PDIA5: variants seen among roughly 807,000 people sequenced by gnomAD.
PDIA5 encodes the protein protein disulfide isomerase family A member 5, also known as protein disulfide-isomerase A5.
PDIA5 carries 58 observed loss-of-function variants against 77.6 expected under a neutral mutation model. The observed-to-expected ratio is 0.75, with a 90% CI of 0.61 to 0.93. The LOEUF is 0.93. Among genes scored for constraint, PDIA5 ranks in the 40% least tolerant of loss-of-function variants. The probability of loss-of-function intolerance (pLI) is 0.00; values close to 1 mark genes in which losing one functional copy is unlikely to be tolerated. For missense variants in PDIA5, 630 were observed against 647.7 expected, an observed-to-expected ratio of 0.97 and a Z score of 0.30; for synonymous variants, 250 against 252.1, an observed-to-expected ratio of 0.99 and a Z score of 0.08.
chr3:123,152,090 TGC>T (rs1935925672), intron 14 of PDIA5, among the ~76,000 whole-genome samples: 1 of 66,004 alleles, frequency 1.5e-5, no homozygotes, highest in African/African-American at 8.9e-5. Context: ...CCTTCCTTCC[TGC>T]CTTCCTGCCT....
intron 3 of PDIA5, among the ~76,000 whole-genome samples, chr3:123,098,888 C>T (rs368393094): frequency 2.0e-5 from 3 of 152,218 alleles, no homozygotes; most frequent in Admixed American, 2.0e-4. Flanking sequence ...CCCCTAGAAC[C>T]TCAGTCATTG....
In PDIA5 at chr3:123,107,551, T is replaced by A. The variant is rs76775117; in HGVS notation, c.480+710T>A. ...AAAAAAATAAAGAATGCAAAAGCTGTGACACACATTGCCCCTCCATCCACA... is the reference window on the plus strand; with the variant it reads ...AAAAAAATAAAGAATGCAAAAGCTGAGACACACATTGCCCCTCCATCCACA... On this transcript the variant is annotated intron_variant, in intron 6 of 16. Transcript: ENST00000316218. Among the ~76,000 whole-genome samples the A allele has an allele frequency of 3.9e-3, 599 of 152,234 alleles. 1 individual carries two copies. The highest frequency in any genetic ancestry group is 0.014 in the African/African-American group (568 of 41,528).
At chr3:123,089,745 C>T (rs1020319087) in intron 2 of PDIA5, among the ~76,000 whole-genome samples, 7 of 152,260 alleles carry the variant, frequency 4.6e-5, no homozygotes, top group African/African-American at 1.7e-4. Flanking sequence ...CTCACCCCAG[C>T]TGGCAGCCCT....
At chr3:123,141,774 C>T (rs1388780968) in intron 11 of PDIA5, among the ~76,000 whole-genome samples, 1 of 152,220 alleles carries the variant, frequency 6.6e-6, no homozygotes, top group Non-Finnish European at 1.5e-5. Context: ...ATTTTTTAAT[C>T]TTAATATACC....
intron 3 of PDIA5, among the ~76,000 whole-genome samples, chr3:123,094,366 A>G (rs546047561): frequency 2.6e-4 from 40 of 152,194 alleles, no homozygotes; most frequent in Non-Finnish European, 4.6e-4. Flanking sequence ...TCAGGGTGCA[A>G]TCTTTCTGGA....
intron 1 of PDIA5, among the ~76,000 whole-genome samples, chr3:123,070,606 G>T (rs974099632): frequency 1.3e-4 from 20 of 152,180 alleles, no homozygotes; most frequent in Non-Finnish European, 2.2e-4. Context: ...TGCCCTCCCT[G>T]CCAAGTGCTC....
At chr3:123,069,610 C>G (rs2107899004) in intron 1 of PDIA5, among the ~76,000 whole-genome samples, 1 of 152,264 alleles carries the variant, frequency 6.6e-6, no homozygotes, top group East Asian at 1.9e-4. Flanking sequence ...CTTGACTTCT[C>G]ACTGTATTCT....
chr3:123,100,284 A>G (rs1934550601), intron 3 of PDIA5, among the ~76,000 whole-genome samples: 1 of 152,242 alleles, frequency 6.6e-6, no homozygotes, highest in Non-Finnish European at 1.5e-5. Context: ...TTCACCACAG[A>G]GTCCCTGCGG....
At position 123,110,999 on chromosome 3, in the gene PDIA5, C is replaced by G. The variant is rs560516430; in HGVS notation, c.536C>G (p.Ala179Gly). 3 of 1,612,864 alleles carry G rather than the reference C, an allele frequency of 1.9e-6. No homozygotes were observed. The highest frequency in any genetic ancestry group is 2.7e-5 in the African/African-American group (2 of 74,838). The change falls in exon 7 of 17, where the codon GCC becomes GGC. Residue 179 changes from alanine (A) to glycine (G), a missense_variant. Ala to Gly is a moderately conservative substitution (Grantham distance 60, BLOSUM62 0). Coordinates refer to ENST00000316218, the MANE Select transcript of PDIA5 (RefSeq NM_006810.4). ...EEKPLLIMFY[A>G]PWCSMCKRMM... ...AAGCCGCTCCTGATCATGTTTTATG[C>G]CCCCTGTGAGTGAACTTTCTCCCTT... is the stretch of plus-strand genomic sequence containing the variant.
At chr3:123,107,363 T>C (rs1934761233) in intron 6 of PDIA5, among the ~76,000 whole-genome samples, 2 of 152,018 alleles carry the variant, frequency 1.3e-5, no homozygotes. Flanking sequence ...TAGATCTAGA[T>C]TATGGTGTTT....
At chr3:123,097,013 T>TTGC (rs1934461158) in intron 3 of PDIA5, among the ~76,000 whole-genome samples, 1 of 152,210 alleles carries the variant, frequency 6.6e-6, no homozygotes, top group Admixed American at 6.5e-5. Context: ...CTTAAGGTCA[T>TTGC]TGCTTAACCA....
chr3:123,162,030 CAT>C lies in PDIA5; in HGVS notation c.*71_*72del. ...CTGTTTTGTTGTTTCTGAATTTCCA[CAT>C]GTTCTGAAGACAAATTTTTTATAGC... On this transcript the variant is annotated 3_prime_UTR_variant, in exon 17 of 17. Transcript: ENST00000316218. 1 of 968,030 alleles carries C rather than the reference CAT, an allele frequency of 1.0e-6. No homozygotes were observed. The allele number at this position is 968,030 out of a possible 1,614,324, so 60.0% of individuals were successfully genotyped here.
chr3:123,074,913 T>A (rs1933812552), intron 1 of PDIA5, among the ~76,000 whole-genome samples: 1 of 152,184 alleles, frequency 6.6e-6, no homozygotes, highest in Non-Finnish European at 1.5e-5. Flanking sequence ...ACTGGAGTAT[T>A]GTATAAGAAA....
At chr3:123,104,050 G>A (rs1411468512) in intron 5 of PDIA5, among the ~76,000 whole-genome samples, 4 of 152,224 alleles carry the variant, frequency 2.6e-5, no homozygotes, top group African/African-American at 7.2e-5. Flanking sequence ...CAGAGAAGAA[G>A]CAAGGAGCCC....
At chr3:123,095,893 T>G (rs1033389233) in intron 3 of PDIA5, among the ~76,000 whole-genome samples, 1 of 152,110 alleles carries the variant, frequency 6.6e-6, no homozygotes, top group African/African-American at 2.4e-5. Context: ...TGGGCTTCAA[T>G]TGAATCTTCT....
chr3:123,159,264 C>T (rs1192238027), intron 15 of PDIA5, among the ~76,000 whole-genome samples: 2 of 152,224 alleles, frequency 1.3e-5, no homozygotes, highest in African/African-American at 4.8e-5. Flanking sequence ...TATGTGGATG[C>T]CCGTGTCCCT....
chr3:123,141,335 G>C (rs1360175564), intron 11 of PDIA5, among the ~76,000 whole-genome samples: 6 of 152,128 alleles, frequency 3.9e-5, no homozygotes, highest in Non-Finnish European at 8.8e-5. Context: ...CCACCTCCCT[G>C]GAGGCCACCC....
In PDIA5 at chr3:123,130,621, G is replaced by A. The variant is rs1324390088; in HGVS notation, c.910+5G>A. ...TCGTCATGTTCCACGCCCCATGTGA[G>A]TGGAACTTTGCTCCTCCCCCTCCAC... On this transcript the variant is annotated splice_donor_5th_base_variant and intron_variant, in intron 11 of 16. Coordinates refer to ENST00000316218, the MANE Select transcript of PDIA5 (RefSeq NM_006810.4). 6.2e-7 allele frequency: 1 copy of A among 1,613,824 alleles called. No individual in the cohort carries two copies.
intron 11 of PDIA5, among the ~76,000 whole-genome samples, chr3:123,132,180 C>T (rs1040675027): frequency 5.3e-5 from 8 of 152,130 alleles, no homozygotes; most frequent in Admixed American, 2.6e-4. Context: ...AGACCACCCA[C>T]GGCTCCGTGA....
Sources: allele counts gnomAD v4.1 joint callset (sites outside exome capture counted in the v4.1 genomes callset), GRCh38; gene constraint gnomAD v4.1.1; transcripts MANE v1.5; gene names NCBI Gene and HGNC (gene_info 2026-07-23, HGNC 2026-07-21).